The following C14orf132 variants were observed in gnomAD, a reference collection of about 807,000 sequenced individuals.
C14orf132 encodes chromosome 14 open reading frame 132, also known as uncharacterized protein C14orf132.
Under a neutral mutation model 5.8 loss-of-function variants are expected in C14orf132, and 6 were observed. That is an observed-to-expected ratio of 1.03 (90% CI 0.57 to 2.04). The LOEUF (loss-of-function observed/expected upper bound fraction) is 2.04, where lower values mean the gene tolerates loss of function less well. Ranked by LOEUF, C14orf132 falls within the 30% of genes most tolerant of loss-of-function variation. C14orf132 has a pLI of 0.00. For missense variants in C14orf132, 125 were observed against 115.8 expected (o/e 1.08, Z -0.37); for synonymous variants, 51 against 49.8 (o/e 1.02, Z -0.10).
At position 96,089,702 on chromosome 14, in the gene C14orf132, C is replaced by T. The variant is rs918561437; in HGVS notation, c.*2967C>T. Reference sequence around the variant, plus strand: ...GGGTGCCGGTCCCCAAGGCCTGCCCCCTTCTTTAAGACTGAACTCAAGTCT... The same window carrying T: ...GGGTGCCGGTCCCCAAGGCCTGCCCTCTTCTTTAAGACTGAACTCAAGTCT... On this transcript the variant is annotated 3_prime_UTR_variant, in exon 2 of 2. Transcript: ENST00000555004. The T allele has an allele frequency of 2.0e-5, 3 of 152,310 alleles. No homozygotes were observed. Among genetic ancestry groups the T allele is most frequent in the African/African-American group, 7.2e-5 (3 of 41,454 alleles). The allele number at this position is 152,310 out of a possible 1,614,324, so 9.4% of individuals were successfully genotyped here. A position where few individuals can be genotyped will look rare whatever the true frequency, so the allele number is the denominator to read the frequency against.
chr14:96,086,316 C>CA (rs1013158728), intron 1 of C14orf132, among the ~76,000 whole-genome samples, 195 bp from the exon 2 acceptor site: 3 of 152,106 alleles, frequency 2.0e-5, no homozygotes, highest in Non-Finnish European at 4.4e-5. Flanking sequence ...ATGTCTGCCT[C>CA]AAAAGGCTGC....
chr14:96,091,181 A>C lies in C14orf132; in HGVS notation c.*4446A>C, dbSNP rs1470573990. The C allele has an allele frequency of 2.7e-6, 1 of 376,534 alleles. No individual in the cohort carries two copies. Among genetic ancestry groups the C allele is most frequent in the Non-Finnish European group, 5.2e-6 (1 of 191,200 alleles). The allele number at this position is 376,534 out of a possible 1,614,324, so 23.3% of individuals were successfully genotyped here. On this transcript the variant is annotated 3_prime_UTR_variant, in exon 2 of 2. Coordinates refer to ENST00000555004, the MANE Select transcript of C14orf132 (RefSeq NM_001252507.3). Reference sequence around the variant, plus strand: ...TCTAGAGGCACCCTGCATCATGCCCACCAGGGTGATCCCCCTGGGATGGAC... The same window carrying C: ...TCTAGAGGCACCCTGCATCATGCCCCCCAGGGTGATCCCCCTGGGATGGAC...
At chr14:96,049,591 C>A (rs867994792) in intron 1 of C14orf132, among the ~76,000 whole-genome samples, 1 of 120,030 alleles carries the variant, frequency 8.3e-6, no homozygotes, top group Non-Finnish European at 1.8e-5. Flanking sequence ...TATATATATA[C>A]ATATATACGT....
At chr14:96,071,187 G>T (rs771489707) in intron 1 of C14orf132, among the ~76,000 whole-genome samples, 1 of 152,124 alleles carries the variant, frequency 6.6e-6, no homozygotes, top group African/African-American at 2.4e-5. Context: ...TCACATGATG[G>T]CAGGAAGGAG....
chr14:96,039,450 C>CGCAGGG lies in C14orf132; in HGVS notation c.-47_-46insGGGCAG. The CGCAGGG allele has an allele frequency of 1.4e-6, 2 of 1,476,994 alleles. No individual in the cohort carries two copies. The highest frequency in any genetic ancestry group is 9.0e-7 in the Non-Finnish European group (1 of 1,113,954). 91.5% of individuals were successfully genotyped at this position (1,476,994 alleles called of 1,614,324 possible). On this transcript the variant is annotated 5_prime_UTR_variant, in exon 1 of 2. Coordinates refer to ENST00000555004, the MANE Select transcript of C14orf132 (RefSeq NM_001252507.3). The surrounding 1 kb of genome is among the most constrained non-coding windows in gnomAD (Gnocchi z 5.3). Reference sequence around the variant, plus strand: ...CCGCCAACTGTGCAGGCGGCTGACCCGCAGCGGCAGCGGCAGCAGCGAGGA... The same window carrying CGCAGGG: ...CCGCCAACTGTGCAGGCGGCTGACCCGCAGGGGCAGCGGCAGCGGCAGCAGCGAGGA...
At chr14:96,064,110 G>A (rs950433208) in intron 1 of C14orf132, among the ~76,000 whole-genome samples, 6 of 152,064 alleles carry the variant, frequency 3.9e-5, no homozygotes, top group Non-Finnish European at 8.8e-5. Flanking sequence ...CTTCTACACA[G>A]CTGGTGGGAA....
Position 96,089,539 on chromosome 14 carries a change from A to G in C14orf132, c.*2804A>G, listed in dbSNP as rs1324835871. Reference sequence around the variant, plus strand: ...CAGGGCACATTTACACAAGGCCCTGAATCTGCAGAGGCTGTTTCTCAAGAT... The same window carrying G: ...CAGGGCACATTTACACAAGGCCCTGGATCTGCAGAGGCTGTTTCTCAAGAT... On this transcript the variant is annotated 3_prime_UTR_variant, in exon 2 of 2. Coordinates refer to ENST00000555004, the MANE Select transcript of C14orf132 (RefSeq NM_001252507.3). 1 of 152,422 alleles carries G rather than the reference A, an allele frequency of 6.6e-6. No homozygotes were observed. 9.4% of individuals were successfully genotyped at this position (152,422 alleles called of 1,614,324 possible). A position where few individuals can be genotyped will look rare whatever the true frequency, so the allele number is the denominator to read the frequency against.
intron 1 of C14orf132, among the ~76,000 whole-genome samples, chr14:96,066,264 A>G (rs994834673): frequency 2.6e-5 from 4 of 152,144 alleles, no homozygotes; most frequent in Non-Finnish European, 4.4e-5. Context: ...CCTGGACCAC[A>G]CCATCTGAGC....
In C14orf132 at chr14:96,092,757, G is replaced by A. The variant is rs1888457010; in HGVS notation, c.*6022G>A. 6.6e-6 allele frequency: 1 copy of A among 152,278 alleles called. No homozygotes were observed. Among genetic ancestry groups the A allele is most frequent in the East Asian group, 1.9e-4 (1 of 5,180 alleles). The allele number at this position is 152,278 out of a possible 1,614,324, so 9.4% of individuals were successfully genotyped here. ...CTTGAGCCCAGGACACCTAACTATC[G>A]AGTTTTCACTAGGAGACTTAGTGGT... On this transcript the variant is annotated 3_prime_UTR_variant, in exon 2 of 2. Coordinates refer to ENST00000555004, the MANE Select transcript of C14orf132 (RefSeq NM_001252507.3).
intron 1 of C14orf132, among the ~76,000 whole-genome samples, chr14:96,067,940 G>T (rs1458161309): frequency 6.6e-6 from 1 of 152,062 alleles, no homozygotes; most frequent in Admixed American, 6.5e-5. Context: ...GTCAAACAAG[G>T]GTGACGATAG....
intron 1 of C14orf132, among the ~76,000 whole-genome samples, chr14:96,082,555 TG>T (rs1595191697): frequency 6.6e-6 from 1 of 152,168 alleles, no homozygotes; most frequent in Admixed American, 6.5e-5. Flanking sequence ...GACAGATGGA[TG>T]GAGCAACAGG....
intron 1 of C14orf132, among the ~76,000 whole-genome samples, chr14:96,060,456 A>C (rs980618496): frequency 3.9e-5 from 6 of 152,184 alleles, no homozygotes; most frequent in Non-Finnish European, 7.3e-5. Context: ...TGATGTGTAG[A>C]GTTCCAGTGC....
chr14:96,048,114 G>A (rs1886883852), intron 1 of C14orf132, among the ~76,000 whole-genome samples: 1 of 152,148 alleles, frequency 6.6e-6, no homozygotes, highest in Non-Finnish European at 1.5e-5. Flanking sequence ...CTTGAACCTG[G>A]GAGGCAGAGG....
chr14:96,051,520 A>G (rs570485982), intron 1 of C14orf132, among the ~76,000 whole-genome samples: 4 of 152,296 alleles, frequency 2.6e-5, no homozygotes, highest in South Asian at 2.1e-4. Context: ...CCCCTCATCC[A>G]TCTCCTCAGC....
In C14orf132 at chr14:96,039,569, TG is replaced by T; in HGVS notation, c.27+46del. On this transcript the variant is annotated intron_variant, in intron 1 of 1. Coordinates refer to ENST00000555004, the MANE Select transcript of C14orf132 (RefSeq NM_001252507.3). This position sits in a 1 kb window ranked among gnomAD's most constrained non-coding sequence, Gnocchi z 5.3. ...CCCACGCGCCCCGGGCCGCCAAGTT[TG>T]GGGAGGTTCGGGGCCACGGTCTCGC... 1 of 1,489,786 alleles carries T rather than the reference TG, an allele frequency of 6.7e-7. No homozygotes were observed. Among genetic ancestry groups the T allele is most frequent in the Non-Finnish European group, 8.9e-7 (1 of 1,121,328 alleles). 92.3% of individuals were successfully genotyped at this position (1,489,786 alleles called of 1,614,324 possible).
chr14:96,067,752 C>T (rs1269297284), intron 1 of C14orf132, among the ~76,000 whole-genome samples: 1 of 150,856 alleles, frequency 6.6e-6, no homozygotes, highest in Admixed American at 6.6e-5. Flanking sequence ...TGTCATTGTG[C>T]CTGGTCACAC....
At chr14:96,056,519 C>A (rs1313800871) in intron 1 of C14orf132, among the ~76,000 whole-genome samples, 1 of 152,094 alleles carries the variant, frequency 6.6e-6, no homozygotes, top group Non-Finnish European at 1.5e-5. Context: ...AGTTTGAAAC[C>A]AGCTGGGTGA....
At chr14:96,071,712 G>A (rs752625621) in intron 1 of C14orf132, among the ~76,000 whole-genome samples, 69 of 152,304 alleles carry the variant, frequency 4.5e-4, no homozygotes, top group South Asian at 1.0e-3. Flanking sequence ...TCAACCTCGG[G>A]AAGCTGGGCC....
At chr14:96,053,923 T>C (rs1056106993) in intron 1 of C14orf132, among the ~76,000 whole-genome samples, 3 of 152,130 alleles carry the variant, frequency 2.0e-5, no homozygotes, top group Non-Finnish European at 2.9e-5. Flanking sequence ...TCTTTACCCA[T>C]CTGTCTGCCT....
Sources: allele counts gnomAD v4.1 joint callset (sites outside exome capture counted in the v4.1 genomes callset), GRCh38; gene constraint gnomAD v4.1.1; non-coding constraint Gnocchi (gnomAD v3.1); transcripts MANE v1.5; gene names NCBI Gene and HGNC (gene_info 2026-07-23, HGNC 2026-07-21).